GALNT7: variants seen among roughly 807,000 people sequenced by gnomAD.
The protein encoded by GALNT7 is polypeptide N-acetylgalactosaminyltransferase 7, also known as N-acetylgalactosaminyltransferase 7.
GALNT7 carries 60 observed loss-of-function variants against 82.1 expected under a neutral mutation model. The ratio of observed to expected loss-of-function variants is 0.73; its 90% CI spans 0.59 to 0.91. GALNT7 has a LOEUF of 0.91. GALNT7 is among the 40% of genes least tolerant of loss of function. The pLI is 0.00. For missense variants in GALNT7, 660 were observed against 804.2 expected (o/e 0.82, Z 2.17); for synonymous variants, 243 against 275.1 (o/e 0.88, Z 1.15).
At chr4:173,249,928 C>T (rs1440567609) in intron 2 of GALNT7, among the ~76,000 whole-genome samples, 2 of 152,292 alleles carry the variant, frequency 1.3e-5, no homozygotes, top group Middle Eastern at 3.4e-3. Context: ...TCAGATCCCT[C>T]ATCTCTGTTA....
Position 173,302,387 on chromosome 4 carries a change from G to A in GALNT7, c.1266+223G>A, listed in dbSNP as rs1385519905. ...TATTTACAGGGCTCAGCTCAAAATTGTGGCTAGCAAGCTTTAGAAATGAAA... is the reference window on the plus strand; with the variant it reads ...TATTTACAGGGCTCAGCTCAAAATTATGGCTAGCAAGCTTTAGAAATGAAA... On this transcript the variant is annotated intron_variant, in intron 7 of 11. Coordinates refer to ENST00000265000, the MANE Select transcript of GALNT7 (RefSeq NM_017423.3). This position sits in a 1 kb window ranked among gnomAD's most constrained non-coding sequence, Gnocchi z 4.2. Among the ~76,000 whole-genome samples, 1 of 152,172 alleles carries A rather than the reference G, an allele frequency of 6.6e-6. No individual in the cohort carries two copies. Among genetic ancestry groups the A allele is most frequent in the Non-Finnish European group, 1.5e-5 (1 of 68,028 alleles).
intron 1 of GALNT7, among the ~76,000 whole-genome samples, chr4:173,215,071 T>G (rs747071499): frequency 2.6e-5 from 4 of 152,170 alleles, no homozygotes; most frequent in Admixed American, 6.5e-5. Flanking sequence ...TCTAAGCTCC[T>G]GGAAAGCAAA....
At chr4:173,297,229 C>G (rs1365937987) in intron 5 of GALNT7, among the ~76,000 whole-genome samples, 12 of 150,014 alleles carry the variant, frequency 8.0e-5, no homozygotes, top group Non-Finnish European at 3.0e-5. Flanking sequence ...TTTTTTAAAG[C>G]AACAATACCT....
chr4:173,307,464 C>T (rs910399128), intron 8 of GALNT7, among the ~76,000 whole-genome samples: 1 of 152,192 alleles, frequency 6.6e-6, no homozygotes, highest in Admixed American at 6.5e-5. Flanking sequence ...CAGAGTGGTG[C>T]CTAGGTCTCT....
At position 173,321,779 on chromosome 4, in the gene GALNT7, C is replaced by T. The variant is rs1039098647; in HGVS notation, c.*62C>T. ...AGTAAATTTATACAGGACTGAAAAC[C>T]GCCTGAAACCTGCTGCAACTATTGT... On this transcript the variant is annotated 3_prime_UTR_variant, in exon 12 of 12. Transcript: ENST00000265000. 1.9e-5 allele frequency: 21 copies of T among 1,124,356 alleles called. No homozygotes were observed. The highest frequency in any genetic ancestry group is 2.5e-5 in the Non-Finnish European group (19 of 752,686). The allele number at this position is 1,124,356 out of a possible 1,614,324, so 69.6% of individuals were successfully genotyped here. A position where few individuals can be genotyped will look rare whatever the true frequency, so the allele number is the denominator to read the frequency against.
intron 1 of GALNT7, among the ~76,000 whole-genome samples, chr4:173,169,826 C>T (rs1228292361): frequency 1.3e-5 from 2 of 151,968 alleles, no homozygotes; most frequent in Non-Finnish European, 2.9e-5. Context: ...GGCAGGGCTG[C>T]TTGGGCCGGA....
chr4:173,272,804 T>G (rs879164872), intron 2 of GALNT7, among the ~76,000 whole-genome samples: 3 of 152,254 alleles, frequency 2.0e-5, no homozygotes, highest in Admixed American at 6.5e-5. Context: ...CCAACATATA[T>G]TCTTACTAAC....
chr4:173,221,264 A>G (rs1374098902), intron 1 of GALNT7, among the ~76,000 whole-genome samples: 1 of 152,080 alleles, frequency 6.6e-6, no homozygotes, highest in Non-Finnish European at 1.5e-5. Flanking sequence ...GATGGTGAGC[A>G]TTTTTTCATT....
intron 1 of GALNT7, among the ~76,000 whole-genome samples, chr4:173,196,641 C>T (rs538631860): frequency 5.9e-5 from 9 of 152,092 alleles, no homozygotes; most frequent in African/African-American, 1.7e-4. Flanking sequence ...ACATATCAAC[C>T]CATCACCTAG....
chr4:173,245,861 AAAC>A (rs1189997798), intron 1 of GALNT7, among the ~76,000 whole-genome samples: 1 of 152,146 alleles, frequency 6.6e-6, no homozygotes, highest in Non-Finnish European at 1.5e-5. Context: ...ATTTCCAAAA[AAAC>A]AGCCTTCTAC....
intron 2 of GALNT7, among the ~76,000 whole-genome samples, chr4:173,278,767 C>T (rs1333900874): frequency 2.0e-5 from 3 of 152,134 alleles, no homozygotes; most frequent in East Asian, 3.8e-4. Context: ...AGAGTTGTAG[C>T]GTTGATCTCA....
At chr4:173,319,644 A>G (rs1737731009) in intron 11 of GALNT7, among the ~76,000 whole-genome samples, 1 of 152,176 alleles carries the variant, frequency 6.6e-6, no homozygotes. Flanking sequence ...TGAACAAAAA[A>G]TGACACATAA....
At chr4:173,219,006 G>A (rs1469547080) in intron 1 of GALNT7, among the ~76,000 whole-genome samples, 1 of 151,302 alleles carries the variant, frequency 6.6e-6, no homozygotes, top group African/African-American at 2.4e-5. Flanking sequence ...ACAGGTTTTT[G>A]GGTACAAGTG....
In GALNT7 at chr4:173,291,090, ATTTCC is replaced by A. The variant is rs1736514688; in HGVS notation, c.588-1013_588-1009del. Among the ~76,000 whole-genome samples the A allele has an allele frequency of 3.3e-5, 5 of 152,030 alleles. No homozygotes were observed. In the South Asian group the frequency reaches 1.0e-3, roughly 32 times the overall value. Reference sequence around the variant, plus strand: ...CTTCTGCCTTAGAAGCAAGTCCCAAATTTCCTTTCATGTTTTACGTATTTTCACCA... The same window carrying A: ...CTTCTGCCTTAGAAGCAAGTCCCAAATTTCATGTTTTACGTATTTTCACCA... On this transcript the variant is annotated intron_variant, in intron 2 of 11. Coordinates refer to ENST00000265000, the MANE Select transcript of GALNT7 (RefSeq NM_017423.3).
intron 6 of GALNT7, among the ~76,000 whole-genome samples, chr4:173,298,540 A>G (rs961647389): frequency 6.6e-6 from 1 of 152,226 alleles, no homozygotes. Context: ...AAGAAAAATA[A>G]TGTAACATGG....
chr4:173,256,230 A>G (rs1735032473), intron 2 of GALNT7, among the ~76,000 whole-genome samples: 1 of 152,218 alleles, frequency 6.6e-6, no homozygotes, highest in African/African-American at 2.4e-5. Context: ...AAGAAGCTGC[A>G]CGTGCATCCA....
At chr4:173,298,565 A>G (rs1035785407) in intron 6 of GALNT7, among the ~76,000 whole-genome samples, 2 of 152,206 alleles carry the variant, frequency 1.3e-5, no homozygotes, top group African/African-American at 4.8e-5. Flanking sequence ...TGTTCCACGT[A>G]CAAGTGAAAA....
chr4:173,223,595 C>A (rs182387775), intron 1 of GALNT7, among the ~76,000 whole-genome samples: 6 of 151,924 alleles, frequency 3.9e-5, no homozygotes, highest in African/African-American at 1.4e-4. Context: ...ACCCCCACCC[C>A]CCGCAGTCCA....
At position 173,182,649 on chromosome 4, in the gene GALNT7, G is replaced by A. The variant is rs115178008; in HGVS notation, c.126+13688G>A. Among the ~76,000 whole-genome samples the A allele has an allele frequency of 5.2e-3, 780 of 148,864 alleles. 9 individuals are homozygous for A. The highest frequency in any genetic ancestry group is 0.019 in the African/African-American group (749 of 39,638). On this transcript the variant is annotated intron_variant, in intron 1 of 11. Coordinates refer to ENST00000265000, the MANE Select transcript of GALNT7 (RefSeq NM_017423.3). ...TTGCCTCTGAATGATGAGGCAAGCA[G>A]GTTACTCATAATACACACACACACA...
Sources: allele counts gnomAD v4.1 joint callset (sites outside exome capture counted in the v4.1 genomes callset), GRCh38; gene constraint gnomAD v4.1.1; non-coding constraint Gnocchi (gnomAD v3.1); transcripts MANE v1.5; gene names NCBI Gene and HGNC (gene_info 2026-07-23, HGNC 2026-07-21).